Variants in MACROD2 observed in about 807,000 individuals in gnomAD.
MACROD2 encodes the protein ADP-ribose glycohydrolase MACROD2.
Under a neutral mutation model 70.4 loss-of-function variants are expected in MACROD2, and 36 were observed. The observed-to-expected ratio is 0.51, with a 90% CI of 0.39 to 0.68. The LOEUF (loss-of-function observed/expected upper bound fraction) is 0.68. Ranked by LOEUF, MACROD2 falls within the 30% of genes least tolerant of loss-of-function variation. MACROD2 has a pLI of 0.00. For missense variants in MACROD2, 496 were observed against 538.4 expected, an observed-to-expected ratio of 0.92 and a Z score of 0.78; for synonymous variants, 172 against 178.8, an observed-to-expected ratio of 0.96 and a Z score of 0.30.
At chr20:15,110,908 A>G (rs1336409053) in intron 5 of MACROD2, among the ~76,000 whole-genome samples, 2 of 152,106 alleles carry the variant, frequency 1.3e-5, no homozygotes, top group East Asian at 1.9e-4. Context: ...TAAGAAAACA[A>G]CCACCATTTA....
chr20:15,622,574 C>T (rs956613305), intron 8 of MACROD2, among the ~76,000 whole-genome samples: 2 of 152,148 alleles, frequency 1.3e-5, no homozygotes, highest in Admixed American at 6.5e-5. Flanking sequence ...GGACGATTCA[C>T]ATCTCGGGGA....
chr20:15,834,166 T>A (rs2064087169), intron 8 of MACROD2, among the ~76,000 whole-genome samples: 2 of 152,130 alleles, frequency 1.3e-5, no homozygotes, highest in Admixed American at 6.5e-5. Context: ...GAATTACTCG[T>A]TGTTATTTAA....
intron 3 of MACROD2, among the ~76,000 whole-genome samples, chr20:14,305,278 A>G (rs75554262): frequency 0.015 from 2,291 of 152,186 alleles, 24 homozygotes; most frequent in African/African-American, 0.027. Context: ...TTCTTCACAG[A>G]ATGTATCATT....
intron 3 of MACROD2, among the ~76,000 whole-genome samples, chr20:14,359,547 T>A (rs1568575925): frequency 2.0e-5 from 3 of 152,216 alleles, no homozygotes; most frequent in Admixed American, 6.5e-5. Flanking sequence ...AGCCAAGATA[T>A]GGAATCAACC....
chr20:15,209,610 G>A (rs2076743722), intron 5 of MACROD2, among the ~76,000 whole-genome samples: 2 of 152,128 alleles, frequency 1.3e-5, no homozygotes, highest in Admixed American at 1.3e-4. Flanking sequence ...GGTGCAAAGG[G>A]AGACATATCC....
intron 3 of MACROD2, among the ~76,000 whole-genome samples, chr20:14,446,511 C>G (rs768465663): frequency 6.6e-6 from 1 of 151,878 alleles, no homozygotes; most frequent in Non-Finnish European, 1.5e-5. Context: ...CCAGGATGAA[C>G]CTGGAAGGAA....
At chr20:15,902,796 C>G (rs1315246674) in intron 10 of MACROD2, among the ~76,000 whole-genome samples, 1 of 151,996 alleles carries the variant, frequency 6.6e-6, no homozygotes, top group East Asian at 1.9e-4. Context: ...AGAAAGCCCC[C>G]AGATGACTGC....
chr20:15,217,533 G>A (rs1349037541), intron 5 of MACROD2, among the ~76,000 whole-genome samples: 1 of 151,942 alleles, frequency 6.6e-6, no homozygotes, highest in African/African-American at 2.4e-5. Flanking sequence ...ACATTCTATT[G>A]ATCTTTTTTT....
At chr20:14,716,449 G>A (rs572912582) in intron 5 of MACROD2, among the ~76,000 whole-genome samples, 17 of 152,234 alleles carry the variant, frequency 1.1e-4, no homozygotes, top group African/African-American at 3.1e-4. Context: ...TTGGCAGAGG[G>A]ACCCCATACT....
chr20:14,777,647 CA>C (rs1362325445), intron 5 of MACROD2, among the ~76,000 whole-genome samples: 1 of 151,434 alleles, frequency 6.6e-6, no homozygotes, highest in Non-Finnish European at 1.5e-5. Flanking sequence ...CGCCAGAGAA[CA>C]AAAAAGAAAC....
At chr20:15,381,998 C>T (rs1389575567) in intron 6 of MACROD2, among the ~76,000 whole-genome samples, 2 of 152,124 alleles carry the variant, frequency 1.3e-5, no homozygotes, top group African/African-American at 2.4e-5. Flanking sequence ...AAGGGGGAAT[C>T]TCTGAAGAAG....
intron 8 of MACROD2, among the ~76,000 whole-genome samples, chr20:15,618,582 A>G (rs1789031163): frequency 6.7e-6 from 1 of 149,882 alleles, no homozygotes; most frequent in Admixed American, 6.6e-5. Context: ...GTTATTTGGA[A>G]AAAAGGTAAA....
intron 5 of MACROD2, among the ~76,000 whole-genome samples, chr20:15,115,130 T>G (rs2075982835): frequency 6.6e-6 from 1 of 152,230 alleles, no homozygotes; most frequent in African/African-American, 2.4e-5. Flanking sequence ...GAATCTATTC[T>G]ATTTGTTGCA....
intron 8 of MACROD2, among the ~76,000 whole-genome samples, chr20:15,839,389 T>C (rs2064147705): frequency 6.6e-6 from 1 of 152,138 alleles, no homozygotes; most frequent in Non-Finnish European, 1.5e-5. Flanking sequence ...ACTTTTTCCT[T>C]GGCTCTGTGA....
At chr20:14,174,224 G>T (rs1470020712) in intron 3 of MACROD2, among the ~76,000 whole-genome samples, 1 of 152,150 alleles carries the variant, frequency 6.6e-6, no homozygotes, top group Non-Finnish European at 1.5e-5. Flanking sequence ...CAGAGCCCTA[G>T]AGTTCCCAAG....
chr20:15,589,317 C>T (rs979797170), intron 8 of MACROD2, among the ~76,000 whole-genome samples: 1 of 152,176 alleles, frequency 6.6e-6, no homozygotes, highest in Non-Finnish European at 1.5e-5. Context: ...TGAATGAGAA[C>T]ACAGCCAAAC....
intron 4 of MACROD2, among the ~76,000 whole-genome samples, chr20:14,672,492 G>A (rs2070807006): frequency 6.6e-6 from 1 of 152,176 alleles, no homozygotes; most frequent in African/African-American, 2.4e-5. Flanking sequence ...ATCTCTTGAT[G>A]GCAGGAGCTG....
intron 8 of MACROD2, among the ~76,000 whole-genome samples, chr20:15,524,346 TC>T (rs2047691602): frequency 6.6e-6 from 1 of 152,006 alleles, no homozygotes; most frequent in South Asian, 2.1e-4. Flanking sequence ...CTTGCTAGTG[TC>T]CCTTGGACAC....
At chr20:15,807,343 T>C (rs1032934153) in intron 8 of MACROD2, among the ~76,000 whole-genome samples, 1 of 152,184 alleles carries the variant, frequency 6.6e-6, no homozygotes, top group African/African-American at 2.4e-5. Flanking sequence ...AGGCTGTGGA[T>C]CATTATGTGG....
Sources: allele counts gnomAD v4.1 joint callset (sites outside exome capture counted in the v4.1 genomes callset), GRCh38; gene constraint gnomAD v4.1.1; transcripts MANE v1.5; gene names NCBI Gene and HGNC (gene_info 2026-07-23, HGNC 2026-07-21).